Variants in DPYS observed in about 807,000 individuals in gnomAD.
The protein encoded by DPYS is dihydropyrimidinase.
In DPYS, 39 loss-of-function variants were observed where a neutral mutation model predicts 50.3. The ratio of observed to expected loss-of-function variants is 0.78; its 90% CI spans 0.60 to 1.01. The LOEUF is 1.01. Ranked by LOEUF, DPYS falls within the 50% of genes least tolerant of loss-of-function variation. DPYS has a pLI of 0.00. For missense variants in DPYS, 659 were observed against 680.9 expected (o/e 0.97, Z 0.36); for synonymous variants, 245 against 250.7 (o/e 0.98, Z 0.22).
rs117485107 is a variant in DPYS, at chr8:104,422,781, C to T, written c.1235+1466G>A. On this transcript the variant is annotated intron_variant, in intron 7 of 9. Transcript: ENST00000351513. ...TCAAAAGGTCTGCCTGGTCCCAGCC[C>T]TTGAAGCAGCCTAAATTGTTTGAAT... is the stretch of plus-strand genomic sequence containing the variant. Among the ~76,000 whole-genome samples, 1,086 of 152,358 alleles carry T rather than the reference C, an allele frequency of 7.1e-3. 6 individuals carry two copies. The highest frequency in any genetic ancestry group is 0.012 in the Non-Finnish European group (786 of 68,042).
intron 1 of DPYS, among the ~76,000 whole-genome samples, chr8:104,453,297 A>G (rs1813816227): frequency 6.6e-6 from 1 of 152,162 alleles, no homozygotes; most frequent in Non-Finnish European, 1.5e-5. Context: ...AGAAATCCCT[A>G]TTGATGTAAT....
chr8:104,384,112 T>C (rs1216462666), intron 8 of DPYS, among the ~76,000 whole-genome samples: 2 of 152,196 alleles, frequency 1.3e-5, no homozygotes, highest in African/African-American at 4.8e-5. Context: ...AGAATGGCCA[T>C]GGATGGGAGC....
rs1397010000 is a variant in DPYS, at chr8:104,466,795, G to T, written c.126C>A (p.Pro42=). The part of the protein sequence containing the change: ...VRALGHDLLP[P]GGAPAGLRVL... ...CCCGCAGCCCCGCAGGAGCGCCCCC[G>T]GGAGGCAGCAGGTCGTGCCCGAGTG... The change falls in exon 1 of 10, where the codon CCC becomes CCA. Residue 42 remains proline, a synonymous_variant. Transcript: ENST00000351513. The T allele has an allele frequency of 1.3e-6, 2 of 1,534,070 alleles. No homozygotes were observed. The highest frequency in any genetic ancestry group is 1.4e-5 in the African/African-American group (1 of 72,618).
chr8:104,409,231 T>A (rs1428479634), intron 7 of DPYS, among the ~76,000 whole-genome samples: 5 of 150,706 alleles, frequency 3.3e-5, no homozygotes, highest in Non-Finnish European at 4.4e-5. Context: ...ATGCCTATAA[T>A]CCCAGCACTT....
intron 4 of DPYS, among the ~76,000 whole-genome samples, chr8:104,442,200 AT>A (rs1451865229): frequency 2.6e-5 from 4 of 152,234 alleles, no homozygotes; most frequent in African/African-American, 9.6e-5. Flanking sequence ...TTTTAAAATA[AT>A]TTACAATAAA....
intron 5 of DPYS, chr8:104,429,295 AG>A: frequency 1.9e-6 from 1 of 519,148 alleles, no homozygotes; most frequent in Non-Finnish European, 3.5e-6. Context: ...AGATGAAAAA[AG>A]TCAGAAAAGA....
chr8:104,426,128 G>A (rs546356869), intron 6 of DPYS, among the ~76,000 whole-genome samples: 3 of 152,242 alleles, frequency 2.0e-5, no homozygotes, highest in East Asian at 1.9e-4. Context: ...GTGGAGGAAG[G>A]GGGGTGAGGA....
In DPYS at chr8:104,429,445, T is replaced by C. The variant is rs1812871362; in HGVS notation, c.950+100A>G. The C allele has an allele frequency of 2.0e-6, 3 of 1,516,570 alleles. No homozygotes were observed. The South Asian group carries it at 3.5e-5, about 17-fold the overall frequency. 93.9% of individuals were successfully genotyped at this position (1,516,570 alleles called of 1,614,324 possible). A position where few individuals can be genotyped will look rare whatever the true frequency, so the allele number is the denominator to read the frequency against. On this transcript the variant is annotated intron_variant, in intron 5 of 9. Transcript: ENST00000351513. ...ACCTGACAGGTCAAGTAGAAGAGAA[T>C]ACTGGGAGGTTAGTGGAGGATCCAG...
In DPYS at chr8:104,456,332, C is replaced by G. The variant is rs185056242; in HGVS notation, c.265-4928G>C. On this transcript the variant is annotated intron_variant, in intron 1 of 9. Transcript: ENST00000351513. ...TTAAATAGACAGAGCTGTTGATGGT[C>G]TTCTTACCAGACTGAAGATATGATA... 2.0e-5 allele frequency among the ~76,000 whole-genome samples: 3 copies of G among 152,274 alleles called. No individual in the cohort carries two copies. In the East Asian group the frequency reaches 5.8e-4, roughly 29 times the overall value.
chr8:104,405,041 C>T (rs181956963), intron 7 of DPYS, among the ~76,000 whole-genome samples: 231 of 151,844 alleles, frequency 1.5e-3, no homozygotes, highest in African/African-American at 5.2e-3. Context: ...GAAAAAAAAA[C>T]GACAGGCAAG....
chr8:104,392,888 C>T lies in DPYS; in HGVS notation c.1339G>A (p.Val447Ile). ...ACACTGAACACTCCGGCTTCATATA[C>T]CACTTTGCCTCTTGAAATAGTCACA... ...PLVTISRGKV[V>I]YEAGVFSVTA... Residue 447 changes from valine (V) to isoleucine (I), a missense_variant, in exon 8 of 10, where the codon GTA (valine) becomes ATA (isoleucine). Coordinates refer to ENST00000351513, the MANE Select transcript of DPYS (RefSeq NM_001385.3). 3 of 1,614,194 alleles carry T rather than the reference C, an allele frequency of 1.9e-6. No individual in the cohort carries two copies. Among genetic ancestry groups the T allele is most frequent in the Non-Finnish European group, 2.5e-6 (3 of 1,180,032 alleles).
At chr8:104,389,284 G>T (rs959979558) in intron 8 of DPYS, among the ~76,000 whole-genome samples, 3 of 152,168 alleles carry the variant, frequency 2.0e-5, no homozygotes, top group African/African-American at 4.8e-5. Context: ...TATTTGAAAT[G>T]AAAACCAAAG....
chr8:104,411,831 G>A (rs1454769672), intron 7 of DPYS: 4 of 152,038 alleles, frequency 2.6e-5, no homozygotes, highest in South Asian at 2.1e-4. Context: ...CAGACAGCAC[G>A]CGGCCCCATT....
Position 104,424,344 on chromosome 8 carries a change from T to C in DPYS, c.1138A>G (p.Thr380Ala), listed in dbSNP as rs1168516746. Residue 380 changes from threonine (T) to alanine (A), a missense_variant, in exon 7 of 10, where the codon ACA becomes GCA. Coordinates refer to ENST00000351513, the MANE Select transcript of DPYS (RefSeq NM_001385.3). The stretch of plus-strand genomic sequence containing the variant: ...AGATTAAAAATTTTGGCTGCATTTG[T>C]GCTGGTAACTGCCACAAATCTGTTT... ...DENRFVAVTS[T>A]NAAKIFNLYP... 3.1e-6 allele frequency: 5 copies of C among 1,613,948 alleles called. No homozygotes were observed. The highest frequency in any genetic ancestry group is 3.4e-6 in the Non-Finnish European group (4 of 1,180,012).
At chr8:104,444,627 T>C (rs529752629) in intron 3 of DPYS, among the ~76,000 whole-genome samples, 190 bp from the exon 4 acceptor site, 1 of 152,336 alleles carries the variant, frequency 6.6e-6, no homozygotes, top group Admixed American at 6.5e-5. Context: ...ATATATAACA[T>C]GTATATTTGG....
At chr8:104,457,004 G>A (rs759512524) in intron 1 of DPYS, among the ~76,000 whole-genome samples, 4 of 152,192 alleles carry the variant, frequency 2.6e-5, no homozygotes, top group Admixed American at 6.5e-5. Context: ...GACCTCCAGT[G>A]GATGCCTGAA....
chr8:104,402,778 C>T (rs1246816276), intron 7 of DPYS, among the ~76,000 whole-genome samples: 1 of 152,188 alleles, frequency 6.6e-6, no homozygotes, highest in Non-Finnish European at 1.5e-5. Context: ...AGAGACAGGA[C>T]TAGCTGGATT....
chr8:104,429,887 G>A (rs1008864425), intron 4 of DPYS, among the ~76,000 whole-genome samples, 186 bp from the exon 5 acceptor site: 3 of 152,150 alleles, frequency 2.0e-5, no homozygotes, highest in Non-Finnish European at 4.4e-5. Context: ...AAATATGAAT[G>A]AGAAATAAAC....
chr8:104,440,349 T>C (rs1233440918), intron 4 of DPYS, among the ~76,000 whole-genome samples: 1 of 152,158 alleles, frequency 6.6e-6, no homozygotes, highest in African/African-American at 2.4e-5. Flanking sequence ...ATGAATCACC[T>C]GGGATTCTAG....
Sources: allele counts gnomAD v4.1 joint callset (sites outside exome capture counted in the v4.1 genomes callset), GRCh38; gene constraint gnomAD v4.1.1; transcripts MANE v1.5; gene names NCBI Gene and HGNC (gene_info 2026-07-23, HGNC 2026-07-21).